Variants in TMCC3 observed in about 807,000 individuals in gnomAD.
TMCC3 encodes transmembrane and coiled-coil domain family 3, also known as transmembrane and coiled-coil domain protein 3.
Under a neutral mutation model 40.2 loss-of-function variants are expected in TMCC3, and 28 were observed. That is an observed-to-expected ratio of 0.70 (90% CI 0.52 to 0.95). The LOEUF (loss-of-function observed/expected upper bound fraction) is 0.95. Among genes scored for constraint, TMCC3 ranks in the 40% least tolerant of loss-of-function variants. TMCC3 has a pLI of 0.00. For synonymous variants in TMCC3, 255 were observed against 248.5 expected (o/e 1.03, Z -0.25); for missense variants, 554 against 615.2 (o/e 0.90, Z 1.05).
intron 3 of TMCC3, among the ~76,000 whole-genome samples, chr12:94,578,146 C>CAAAAAAAAAAAAAAAAA (rs1183420863): frequency 8.6e-5 from 3 of 34,860 alleles, no homozygotes; most frequent in Non-Finnish European, 1.6e-4. Context: ...AGACTCACCT[C>CAAAAAAAAAAAAAAAAA]AAAAAAAAAA....
chr12:94,588,893 G>A (rs1006254378), intron 1 of TMCC3, among the ~76,000 whole-genome samples: 2 of 149,826 alleles, frequency 1.3e-5, no homozygotes, highest in Admixed American at 6.6e-5. Flanking sequence ...GTGCAATCTC[G>A]GCTCACTGCA....
chr12:94,625,335 T>G (rs1252280968), intron 1 of TMCC3, among the ~76,000 whole-genome samples: 2 of 150,856 alleles, frequency 1.3e-5, no homozygotes, highest in African/African-American at 2.4e-5. Flanking sequence ...TTCCTGTAAT[T>G]CCAGCACTTT....
At chr12:94,597,987 C>T (rs2068728820) in intron 1 of TMCC3, among the ~76,000 whole-genome samples, 1 of 152,156 alleles carries the variant, frequency 6.6e-6, no homozygotes, top group South Asian at 2.1e-4. Flanking sequence ...AGGACACAAG[C>T]AGGCCTCAAG....
intron 3 of TMCC3, among the ~76,000 whole-genome samples, chr12:94,574,791 A>C (rs2068554302): frequency 6.6e-6 from 1 of 152,264 alleles, no homozygotes; most frequent in African/African-American, 2.4e-5. Flanking sequence ...TATTTTAGGC[A>C]TAACACAGAA....
At chr12:94,640,648 G>A (rs1191655977) in intron 1 of TMCC3, among the ~76,000 whole-genome samples, 3 of 152,204 alleles carry the variant, frequency 2.0e-5, no homozygotes, top group Non-Finnish European at 2.9e-5. Context: ...GTGTGTCGTA[G>A]ATGTGGGAAT....
In TMCC3 at chr12:94,569,981, T is replaced by C. The variant is rs2068517294; in HGVS notation, c.*1454A>G. 6.6e-6 allele frequency: 1 copy of C among 152,164 alleles called. No homozygotes were observed. Among genetic ancestry groups the C allele is most frequent in the Non-Finnish European group, 1.5e-5 (1 of 68,030 alleles). 9.4% of individuals were successfully genotyped at this position (152,164 alleles called of 1,614,324 possible). ...ACAGAGACACAGATTTAAAGGAAAG[T>C]ATCATCTGGGCTGAAGGCGGTGAAT... is the stretch of plus-strand genomic sequence containing the variant. On this transcript the variant is annotated 3_prime_UTR_variant, in exon 4 of 4. Coordinates refer to ENST00000261226, the MANE Select transcript of TMCC3 (RefSeq NM_020698.4).
chr12:94,629,399 C>T (rs1036241836), intron 1 of TMCC3, among the ~76,000 whole-genome samples: 2 of 152,180 alleles, frequency 1.3e-5, no homozygotes, highest in African/African-American at 4.8e-5. Flanking sequence ...CCATGGAGAA[C>T]TGTCCCTGCC....
Position 94,644,299 on chromosome 12 carries a change from G to A in TMCC3, c.78+6054C>T, listed in dbSNP as rs1025805185. 3.6e-6 allele frequency: 3 copies of A among 823,298 alleles called. No homozygotes were observed. The African/African-American group carries it at 5.6e-5, about 15-fold the overall frequency. The allele number at this position is 823,298 out of a possible 1,614,324, so 51.0% of individuals were successfully genotyped here. On this transcript the variant is annotated intron_variant, in intron 1 of 3. Transcript: ENST00000261226. ...CCCTCCTCCCCTCCACTGAAAACAT[G>A]AAAACACAATTAAGAAACCACAGGG...
chr12:94,626,524 T>C (rs998635099), intron 1 of TMCC3, among the ~76,000 whole-genome samples: 1 of 152,248 alleles, frequency 6.6e-6, no homozygotes, highest in Non-Finnish European at 1.5e-5. Flanking sequence ...CTGCTTTCTG[T>C]TGAAATAGTG....
At chr12:94,571,769 G>C in intron 3 of TMCC3, 32 bp from the exon 4 acceptor site, 1 of 1,607,062 alleles carries the variant, frequency 6.2e-7, no homozygotes, top group East Asian at 2.2e-5. Flanking sequence ...AGGGTCAAAC[G>C]GTGTTGGGAT....
chr12:94,581,124 A>AC (rs1393109404), intron 2 of TMCC3, among the ~76,000 whole-genome samples: 1 of 152,248 alleles, frequency 6.6e-6, no homozygotes, highest in African/African-American at 2.4e-5. Flanking sequence ...TTGCATATAT[A>AC]TACGGAGATA....
Position 94,579,305 on chromosome 12 carries a change from G to A in TMCC3, c.996-776C>T, listed in dbSNP as rs1232417694. The stretch of plus-strand genomic sequence containing the variant: ...GTGGATCACCTGGGGTCAGGAGTTC[G>A]AGACCAGTCTGGCCAACATGGTGAA... On this transcript the variant is annotated intron_variant, in intron 2 of 3. Transcript: ENST00000261226. 4.6e-5 allele frequency among the ~76,000 whole-genome samples: 7 copies of A among 152,094 alleles called. No individual in the cohort carries two copies. The South Asian group carries it at 8.3e-4, about 18-fold the overall frequency.
At chr12:94,610,256 T>C (rs1302469733) in intron 1 of TMCC3, among the ~76,000 whole-genome samples, 1 of 152,146 alleles carries the variant, frequency 6.6e-6, no homozygotes, top group Non-Finnish European at 1.5e-5. Flanking sequence ...AGAAAGGGAA[T>C]CGGAACCTTC....
intron 1 of TMCC3, among the ~76,000 whole-genome samples, chr12:94,626,081 G>A (rs190654157): frequency 4.1e-4 from 62 of 152,256 alleles, no homozygotes; most frequent in African/African-American, 1.4e-3. Context: ...AAGCAGGCAC[G>A]TCTTACATGG....
At chr12:94,588,815 T>A (rs940082576) in intron 1 of TMCC3, among the ~76,000 whole-genome samples, 76 of 138,748 alleles carry the variant, frequency 5.5e-4, no homozygotes, top group African/African-American at 1.9e-3. Context: ...CTTTCTTAAA[T>A]CGGTATGAGA....
At chr12:94,578,676 GA>G (rs1367911151) in intron 2 of TMCC3, 147 bp from the exon 3 acceptor site, 1 of 871,440 alleles carries the variant, frequency 1.1e-6, no homozygotes. Flanking sequence ...CTAGCTGTGG[GA>G]ATTGAGCTTT....
At chr12:94,589,825 G>A (rs2068661464) in intron 1 of TMCC3, among the ~76,000 whole-genome samples, 1 of 152,084 alleles carries the variant, frequency 6.6e-6, no homozygotes, top group African/African-American at 2.4e-5. Flanking sequence ...TATGTTTCTT[G>A]AAGCCCATGA....
intron 1 of TMCC3, among the ~76,000 whole-genome samples, chr12:94,584,782 A>G (rs1594270597): frequency 6.6e-6 from 1 of 152,148 alleles, no homozygotes; most frequent in African/African-American, 2.4e-5. Flanking sequence ...AGGGAAATAA[A>G]TGCCCAATCA....
intron 1 of TMCC3, among the ~76,000 whole-genome samples, chr12:94,610,775 G>A (rs886847594): frequency 2.6e-5 from 4 of 152,162 alleles, no homozygotes; most frequent in African/African-American, 4.8e-5. Flanking sequence ...TACTGTGCAC[G>A]CTCATCTGTG....
Sources: allele counts gnomAD v4.1 joint callset (sites outside exome capture counted in the v4.1 genomes callset), GRCh38; gene constraint gnomAD v4.1.1; transcripts MANE v1.5; gene names NCBI Gene and HGNC (gene_info 2026-07-23, HGNC 2026-07-21).